Variants in KMT2C observed in about 807,000 individuals in gnomAD.
The protein encoded by KMT2C is histone-lysine N-methyltransferase 2C.
Under a neutral mutation model 507.9 loss-of-function variants are expected in KMT2C, and 88 were observed. The ratio of observed to expected loss-of-function variants is 0.17; its 90% CI spans 0.15 to 0.21. KMT2C has a LOEUF of 0.21. KMT2C is among the 10% of genes least tolerant of loss of function. The pLI is 1.00. For missense variants in KMT2C, 4,954 were observed against 5,957.8 expected, an observed-to-expected ratio of 0.83 and a Z score of 5.55; for synonymous variants, 2,049 against 2,080.8, an observed-to-expected ratio of 0.98 and a Z score of 0.42.
intron 9 of KMT2C, among the ~76,000 whole-genome samples, chr7:152,255,118 T>TATATATATATATATATATATATATATAC (rs1482787960): frequency 1.0e-5 from 1 of 97,746 alleles, no homozygotes; most frequent in Non-Finnish European, 1.8e-5. Flanking sequence ...CTTATATATA[T>TATATATATATATATATATATATATATAC]ATATATATAT....
intron 52 of KMT2C, among the ~76,000 whole-genome samples, chr7:152,147,313 C>T (rs1367361041): frequency 6.6e-6 from 1 of 152,046 alleles, no homozygotes; most frequent in Non-Finnish European, 1.5e-5. Context: ...ATCTGATGTT[C>T]CTATACATTG....
At chr7:152,322,700 T>C (rs1235753382) in intron 3 of KMT2C, among the ~76,000 whole-genome samples, 3 of 151,862 alleles carry the variant, frequency 2.0e-5, no homozygotes, top group Non-Finnish European at 1.5e-5. Context: ...AATAGACAAA[T>C]GGGATGGCTA....
In KMT2C at chr7:152,139,660, G is replaced by A. The variant is rs745342747; in HGVS notation, c.14460+15C>T. On this transcript the variant is annotated intron_variant, in intron 56 of 58. Transcript: ENST00000262189. ...GATGGTGCTGTGTATACAATCTCGG[G>A]GACCAGACACCTACCTGAGACTCAT... 1.9e-6 allele frequency: 3 copies of A among 1,544,530 alleles called. No homozygotes were observed.
At chr7:152,351,724 ATC>A (rs2097112359) in intron 2 of KMT2C, among the ~76,000 whole-genome samples, 1 of 152,186 alleles carries the variant, frequency 6.6e-6, no homozygotes, top group Non-Finnish European at 1.5e-5. Flanking sequence ...CTTTACTGTA[ATC>A]TCTGAACATA....
intron 1 of KMT2C, among the ~76,000 whole-genome samples, chr7:152,396,841 TCAAAA>T (rs1309074438): frequency 6.6e-6 from 1 of 152,214 alleles, no homozygotes; most frequent in Non-Finnish European, 1.5e-5. Flanking sequence ...TGAATATCCA[TCAAAA>T]CTTGAAACAT....
At chr7:152,207,178 T>C (rs1156348297) in intron 24 of KMT2C, 122 bp downstream of exon 24, 2 of 942,008 alleles carry the variant, frequency 2.1e-6, no homozygotes, top group African/African-American at 3.4e-5. Flanking sequence ...TATGTGCACA[T>C]ATTTTTGTTT....
intron 1 of KMT2C, among the ~76,000 whole-genome samples, chr7:152,391,227 G>A (rs574813329): frequency 6.2e-4 from 87 of 140,446 alleles, no homozygotes; most frequent in African/African-American, 2.2e-3. Flanking sequence ...GTTTTTTGTC[G>A]TTGTTTGTTT....
At chr7:152,316,557 C>G (rs952985852) in intron 3 of KMT2C, among the ~76,000 whole-genome samples, 1 of 152,144 alleles carries the variant, frequency 6.6e-6, no homozygotes, top group South Asian at 2.1e-4. Context: ...TTTACTGCTG[C>G]TATACCCAAA....
intron 6 of KMT2C, among the ~76,000 whole-genome samples, chr7:152,280,271 G>A (rs1261501357): frequency 6.6e-5 from 10 of 152,160 alleles, no homozygotes; most frequent in East Asian, 5.8e-4. Flanking sequence ...AGCAGGGTGC[G>A]GTGGCTCATG....
chr7:152,156,358 C>T lies in KMT2C; in HGVS notation c.11671-12G>A. 6.2e-7 allele frequency: 1 copy of T among 1,612,120 alleles called. No individual in the cohort carries two copies. On this transcript the variant is annotated splice_polypyrimidine_tract_variant and intron_variant, in intron 44 of 58. Coordinates refer to ENST00000262189, the MANE Select transcript of KMT2C (RefSeq NM_170606.3). The stretch of plus-strand genomic sequence containing the variant: ...CTTAAATTATTCTGCTGCAGGAGAC[C>T]AAAAAATTTAAATTATATGCTACTG...
intron 38 of KMT2C, among the ~76,000 whole-genome samples, chr7:152,174,631 C>T (rs564102501): frequency 1.3e-5 from 2 of 152,078 alleles, no homozygotes; most frequent in South Asian, 4.2e-4. Context: ...AAGAAAAATG[C>T]ACCAATTTCT....
At chr7:152,156,382 T>C (rs1016117308) in intron 44 of KMT2C, 36 bp from the exon 45 acceptor site, 2 of 1,609,264 alleles carry the variant, frequency 1.2e-6, no homozygotes. Context: ...TATATGCTAC[T>C]GAGCGAATAT....
chr7:152,410,923 G>T (rs1345502358), intron 1 of KMT2C, among the ~76,000 whole-genome samples: 1 of 151,384 alleles, frequency 6.6e-6, no homozygotes, highest in Non-Finnish European at 1.5e-5. Flanking sequence ...AGGATCACTG[G>T]GGTTGGAAGG....
intron 2 of KMT2C, among the ~76,000 whole-genome samples, chr7:152,350,167 T>C (rs2097098445): frequency 6.6e-6 from 1 of 152,090 alleles, no homozygotes; most frequent in Admixed American, 6.6e-5. Flanking sequence ...GGAGAATCGC[T>C]TGAACCCAGG....
rs763004699 is a variant in KMT2C at position 152,182,490 on chromosome 7, A to T, written c.5370T>A (p.Ser1790=). Residue 1790 remains serine, a synonymous_variant, in exon 36 of 59, where the codon TCT becomes TCA. Transcript: ENST00000262189. ...AACCAGACTGCACCAGAAGATGCTG[A>T]GAACCAAATTGCTGTTGTTGCTGCT... ...QQQQQQQQFG[S]QHLLVQSGSD... The T allele has an allele frequency of 1.2e-6, 2 of 1,614,106 alleles. No homozygotes were observed. Among genetic ancestry groups the T allele is most frequent in the Non-Finnish European group, 1.7e-6 (2 of 1,179,958 alleles).
intron 6 of KMT2C, among the ~76,000 whole-genome samples, chr7:152,291,555 C>T (rs1211341961): frequency 1.3e-5 from 2 of 152,302 alleles, no homozygotes; most frequent in Admixed American, 1.3e-4. Context: ...GCGGATTCCA[C>T]TTCAGGTTGT....
intron 12 of KMT2C, 89 bp from the exon 13 acceptor site, chr7:152,250,042 T>C: frequency 1.3e-6 from 1 of 741,368 alleles, no homozygotes; most frequent in South Asian, 1.6e-5. Flanking sequence ...AGAGTTTTAT[T>C]CTACTAAATG....
At chr7:152,271,831 T>G (rs180963571) in intron 7 of KMT2C, among the ~76,000 whole-genome samples, 2 of 152,250 alleles carry the variant, frequency 1.3e-5, no homozygotes, top group East Asian at 3.9e-4. Context: ...TAATTTTTCA[T>G]TGCATTGTAT....
chr7:152,149,937 G>A (rs1464078666), intron 51 of KMT2C, among the ~76,000 whole-genome samples: 2 of 152,042 alleles, frequency 1.3e-5, no homozygotes, highest in Non-Finnish European at 2.9e-5. Context: ...AATCCTTCTT[G>A]CATTTAGGCT....
Sources: gnomAD v4.1 joint callset for allele counts (sites outside exome capture counted in the v4.1 genomes callset) on GRCh38, gnomAD v4.1.1 for gene constraint, MANE v1.5 for transcripts, NCBI Gene and HGNC (gene_info 2026-07-23, HGNC 2026-07-21) for gene names.